BLTP2: variants seen among roughly 807,000 people sequenced by gnomAD.
BLTP2 encodes the protein bridge-like lipid transfer protein family member 2, also known as U937-associated antigen.
the BLTP2 span, among the ~76,000 whole-genome samples, chr17:28,627,739 C>G: frequency 6.6e-6 from 1 of 151,948 alleles, no homozygotes; most frequent in African/African-American, 2.4e-5. Context: ...TCTATCACCT[C>G]CACCTCCTGG....
At chr17:28,617,018 A>G in the BLTP2 span, 86 of 1,568,164 alleles carry the variant, frequency 5.5e-5, no homozygotes, top group Admixed American at 1.5e-3. Flanking sequence ...TAGAGAGTAA[A>G]GAAGAGCCCA....
At chr17:28,627,282 T>C in the BLTP2 span, among the ~76,000 whole-genome samples, 1 of 152,152 alleles carries the variant, frequency 6.6e-6, no homozygotes, top group African/African-American at 2.4e-5. Context: ...TCTGCATTGA[T>C]TGCCCTTCTA....
chr17:28,629,519 T>C, the BLTP2 span, among the ~76,000 whole-genome samples: 74,007 of 152,012 alleles, frequency 0.49, 22,321 homozygotes, highest in African/African-American at 0.86. Context: ...ACTCTTGTCG[T>C]CCAGGCTGAA....
At chr17:28,625,017 G>A in the BLTP2 span, among the ~76,000 whole-genome samples, 2 of 152,148 alleles carry the variant, frequency 1.3e-5, no homozygotes, top group Non-Finnish European at 2.9e-5. Context: ...GTTTGTAAAA[G>A]AGTAACTCTC....
chr17:28,642,218 C>T, the BLTP2 span: 1 of 1,600,256 alleles, frequency 6.2e-7, no homozygotes, highest in Non-Finnish European at 8.6e-7. Context: ...CCCTAAGCTC[C>T]TTCACACTTT....
chr17:28,618,744 A>G, the BLTP2 span: 1 of 1,508,284 alleles, frequency 6.6e-7, no homozygotes, highest in African/African-American at 1.4e-5. Context: ...AGCTAGGTCA[A>G]TGTCTCTCAA....
At chr17:28,628,222 G>A in the BLTP2 span, 6 of 1,567,390 alleles carry the variant, frequency 3.8e-6, no homozygotes, top group South Asian at 3.4e-5. Context: ...CCATATCCAT[G>A]TTCTAAACCC....
At chr17:28,639,212 G>T in the BLTP2 span, 3 of 1,190,822 alleles carry the variant, frequency 2.5e-6, no homozygotes, top group Non-Finnish European at 2.5e-6. Context: ...ATTTGAGGAG[G>T]TCAAACAACC....
At chr17:28,622,198 C>T in the BLTP2 span, among the ~76,000 whole-genome samples, 3 of 152,170 alleles carry the variant, frequency 2.0e-5, no homozygotes, top group East Asian at 3.8e-4. Flanking sequence ...TCTACTTCTG[C>T]ATGGGTAGTT....
chr17:28,637,824 T>G, the BLTP2 span: 1 of 1,611,960 alleles, frequency 6.2e-7, no homozygotes, highest in East Asian at 2.2e-5. Flanking sequence ...ATAGACTCCT[T>G]GTCCCACTTA....
the BLTP2 span, chr17:28,643,978 A>G: frequency 5.9e-6 from 9 of 1,513,998 alleles, no homozygotes; most frequent in East Asian, 4.5e-5. Context: ...CAGGATTTCT[A>G]TTTTTAAAAA....
At chr17:28,620,683 T>C in the BLTP2 span, 1 of 1,596,410 alleles carries the variant, frequency 6.3e-7, no homozygotes, top group Non-Finnish European at 8.6e-7. Context: ...CCTAAATATC[T>C]ACTCCATCTC....
the BLTP2 span, chr17:28,618,858 C>T: frequency 1.1e-5 from 18 of 1,613,670 alleles, no homozygotes; most frequent in South Asian, 7.7e-5. Context: ...CTCTGTCAGG[C>T]GCCACCGTGC....
the BLTP2 span, chr17:28,641,805 A>G: frequency 3.4e-6 from 4 of 1,169,792 alleles, no homozygotes; most frequent in African/African-American, 6.1e-5. Context: ...ACATCTAAAT[A>G]AGCAGTGAGA....
the BLTP2 span, chr17:28,615,762 G>C: frequency 6.2e-7 from 1 of 1,614,180 alleles, no homozygotes; most frequent in African/African-American, 1.3e-5. Context: ...GGCAGCACCA[G>C]GTTAAGGTCA....
chr17:28,635,507 C>G, the BLTP2 span: 2 of 1,614,038 alleles, frequency 1.2e-6, no homozygotes, highest in South Asian at 1.1e-5. Flanking sequence ...AACACAGTGG[C>G]TCTTAGTAGG....
the BLTP2 span, chr17:28,642,893 A>T: frequency 6.2e-7 from 1 of 1,604,552 alleles, no homozygotes; most frequent in Non-Finnish European, 8.5e-7. Context: ...ATCCAAAAGA[A>T]ATCTGCTTCT....
At chr17:28,622,644 T>C in the BLTP2 span, among the ~76,000 whole-genome samples, 1 of 152,224 alleles carries the variant, frequency 6.6e-6, no homozygotes, top group Non-Finnish European at 1.5e-5. Flanking sequence ...GATGATATTA[T>C]ATCTTAGAAG....
chr17:28,615,564 C>G, the BLTP2 span: 1 of 1,470,272 alleles, frequency 6.8e-7, no homozygotes, highest in Non-Finnish European at 9.3e-7. Flanking sequence ...TGCCCCTTCC[C>G]AAGGATATTT....
Sources: allele counts gnomAD v4.1 joint callset (sites outside exome capture counted in the v4.1 genomes callset), GRCh38; gene constraint gnomAD v4.1.1; transcripts MANE v1.5; gene names NCBI Gene and HGNC (gene_info 2026-07-23, HGNC 2026-07-21).